MYPN: variants seen among roughly 807,000 people sequenced by gnomAD.
MYPN encodes the protein sarcomeric protein myopalladin, 145 kDa (MYOP).
Under a neutral mutation model 129.4 loss-of-function variants are expected in MYPN, and 63 were observed. The ratio of observed to expected loss-of-function variants is 0.49; its 90% CI spans 0.40 to 0.60. The LOEUF is 0.60. MYPN is among the 20% of genes least tolerant of loss of function. MYPN has a pLI of 0.00. For missense variants in MYPN, 1,596 were observed against 1,635.4 expected, an observed-to-expected ratio of 0.98 and a Z score of 0.42; for synonymous variants, 629 against 600.9, an observed-to-expected ratio of 1.05 and a Z score of -0.68.
chr10:68,178,174 CT>C (rs1484650080), intron 12 of MYPN, among the ~76,000 whole-genome samples: 1 of 152,136 alleles, frequency 6.6e-6, no homozygotes, highest in Non-Finnish European at 1.5e-5. Context: ...TTCTTAGAAC[CT>C]TTTGAAATGA....
chr10:68,142,528 G>A (rs2042593595), intron 2 of MYPN, among the ~76,000 whole-genome samples: 1 of 152,180 alleles, frequency 6.6e-6, no homozygotes, highest in Admixed American at 6.5e-5. Flanking sequence ...TTAATAGAAA[G>A]AAACGAGTGT....
At chr10:68,110,795 G>A (rs1255991432) in intron 1 of MYPN, among the ~76,000 whole-genome samples, 3 of 152,002 alleles carry the variant, frequency 2.0e-5, no homozygotes, top group African/African-American at 4.8e-5. Flanking sequence ...TATACTGTCC[G>A]ACACATGATT....
At position 68,166,682 on chromosome 10, in the gene MYPN, G is replaced by A; in HGVS notation, c.1973+16G>A. 1 of 1,613,674 alleles carries A rather than the reference G, an allele frequency of 6.2e-7. No individual in the cohort carries two copies. The highest frequency in any genetic ancestry group is 8.5e-7 in the Non-Finnish European group (1 of 1,179,956). On this transcript the variant is annotated intron_variant, in intron 10 of 19. Coordinates refer to ENST00000358913, the MANE Select transcript of MYPN (RefSeq NM_032578.4). Reference sequence around the variant, plus strand: ...AACCCAAACTGTAAGTAAAAAGTAGGATGAATAACCAGGAGCTTCTGTGAT... The same window carrying A: ...AACCCAAACTGTAAGTAAAAAGTAGAATGAATAACCAGGAGCTTCTGTGAT...
At chr10:68,208,154 GT>G (rs1024663977) in intron 19 of MYPN, among the ~76,000 whole-genome samples, 1 of 151,998 alleles carries the variant, frequency 6.6e-6, no homozygotes, top group Admixed American at 6.6e-5. Context: ...CAAAAGAGTG[GT>G]TTTTTTAATC....
chr10:68,169,804 A>AACT (rs2043117678), intron 10 of MYPN, among the ~76,000 whole-genome samples: 1 of 150,666 alleles, frequency 6.6e-6, no homozygotes, highest in Admixed American at 6.6e-5. Flanking sequence ...CACTGGCGTG[A>AACT]TCTCAGCTCA....
rs12358413 is a variant in MYPN, at chr10:68,199,703, T to C, written c.3493+128T>C. ...TCCAATCTCAATTTCCCCTTCACTG[T>C]GGTAGGGGTGGTATTTCCCACATCA... On this transcript the variant is annotated intron_variant, in intron 17 of 19. Transcript: ENST00000358913. 44,700 of 887,106 alleles carry C rather than the reference T, an allele frequency of 0.05. 1,272 individuals are homozygous for C. Among genetic ancestry groups the C allele is most frequent in the Middle Eastern group, 0.064 (268 of 4,192 alleles). The allele number at this position is 887,106 out of a possible 1,614,324, so 55.0% of individuals were successfully genotyped here. A position where few individuals can be genotyped will look rare whatever the true frequency, so the allele number is the denominator to read the frequency against.
chr10:68,114,688 G>A (rs1035032055), intron 1 of MYPN, among the ~76,000 whole-genome samples: 1 of 152,056 alleles, frequency 6.6e-6, no homozygotes, highest in Non-Finnish European at 1.5e-5. Flanking sequence ...TCTTAGGGCA[G>A]ATCCTCTTTT....
chr10:68,162,831 G>C (rs189151384), intron 8 of MYPN, among the ~76,000 whole-genome samples: 7 of 152,218 alleles, frequency 4.6e-5, no homozygotes, highest in African/African-American at 1.7e-4. Flanking sequence ...GGTTTTTAAG[G>C]GTTTTGGAGT....
intron 8 of MYPN, among the ~76,000 whole-genome samples, chr10:68,163,382 T>G (rs1211952173): frequency 6.6e-6 from 1 of 152,086 alleles, no homozygotes; most frequent in Non-Finnish European, 1.5e-5. Flanking sequence ...ATCCCAGCAC[T>G]TTGGGAGGCC....
chr10:68,130,681 A>G (rs1303779423), intron 2 of MYPN, among the ~76,000 whole-genome samples: 1 of 151,944 alleles, frequency 6.6e-6, no homozygotes, highest in Non-Finnish European at 1.5e-5. Flanking sequence ...TGTAGTTCGC[A>G]TCTAGTTTAA....
intron 1 of MYPN, among the ~76,000 whole-genome samples, chr10:68,096,392 T>C (rs1291911576): frequency 1.3e-5 from 2 of 152,076 alleles, no homozygotes; most frequent in Non-Finnish European, 2.9e-5. Flanking sequence ...TGAAGCCCCG[T>C]CTCTACTAAA....
chr10:68,199,537 C>T lies in MYPN; in HGVS notation c.3455C>T (p.Thr1152Ile), dbSNP rs752535419. The change falls in exon 17 of 20, where the codon ACC (threonine) becomes ATC (isoleucine). Residue 1152 changes from threonine to isoleucine, a missense_variant. Thr to Ile is a moderately conservative substitution (Grantham distance 89). Coordinates refer to ENST00000358913, the MANE Select transcript of MYPN (RefSeq NM_032578.4). ...TATAAGTGCATCGCTACCAACAAAA[C>T]CGGGCAGAATTCTTTTAGTCTGGAG... ...GTYKCIATNK[T>I]GQNSFSLELS... 3.1e-6 allele frequency: 5 copies of T among 1,613,998 alleles called. No individual in the cohort carries two copies. In the East Asian group the frequency reaches 1.1e-4, roughly 36 times the overall value.
Position 68,184,093 on chromosome 10 carries a change from T to G in MYPN, c.2704-4812T>G, listed in dbSNP as rs150079714. On this transcript the variant is annotated intron_variant, in intron 12 of 19. Coordinates refer to ENST00000358913, the MANE Select transcript of MYPN (RefSeq NM_032578.4). ...GCTGGCTCCTTGGTTACTCCCTTTA[T>G]TTTATTCTATAGACCTCAGGGACTG... is the stretch of plus-strand genomic sequence containing the variant. Among the ~76,000 whole-genome samples, 4 of 152,324 alleles carry G rather than the reference T, an allele frequency of 2.6e-5. 1 individual carries two copies. The highest frequency in any genetic ancestry group is 9.6e-5 in the African/African-American group (4 of 41,566).
At chr10:68,155,281 T>C (rs1185698481) in intron 6 of MYPN, among the ~76,000 whole-genome samples, 1 of 152,194 alleles carries the variant, frequency 6.6e-6, no homozygotes, top group Non-Finnish European at 1.5e-5. Context: ...TCAGAGTATC[T>C]TTAGGAGGAA....
chr10:68,170,535 C>T (rs1290415206), intron 10 of MYPN, among the ~76,000 whole-genome samples: 1 of 152,126 alleles, frequency 6.6e-6, no homozygotes, highest in Non-Finnish European at 1.5e-5. Context: ...AATATATTGA[C>T]TCAGTCTTCT....
intron 1 of MYPN, among the ~76,000 whole-genome samples, chr10:68,097,883 A>G (rs139362559): frequency 6.6e-6 from 1 of 152,304 alleles, no homozygotes; most frequent in East Asian, 1.9e-4. Flanking sequence ...TTTGTTTTCA[A>G]AAGAGGTGAT....
At chr10:68,137,565 T>A (rs530078722) in intron 2 of MYPN, among the ~76,000 whole-genome samples, 4 of 152,332 alleles carry the variant, frequency 2.6e-5, no homozygotes, top group Non-Finnish European at 4.4e-5. Context: ...AAATTAGTAA[T>A]GCAGATCTTC....
intron 13 of MYPN, among the ~76,000 whole-genome samples, chr10:68,194,041 G>T (rs765710644): frequency 6.6e-6 from 1 of 152,086 alleles, no homozygotes; most frequent in Non-Finnish European, 1.5e-5. Context: ...GCTTCTGAAG[G>T]CATGTCCAGT....
At chr10:68,206,411 T>C (rs2043816468) in intron 18 of MYPN, among the ~76,000 whole-genome samples, 1 of 152,204 alleles carries the variant, frequency 6.6e-6, no homozygotes, top group Non-Finnish European at 1.5e-5. Context: ...CTCTATTTTG[T>C]CTTGCTTTCC....
Sources: gnomAD v4.1 joint callset for allele counts (sites outside exome capture counted in the v4.1 genomes callset) on GRCh38, gnomAD v4.1.1 for gene constraint, MANE v1.5 for transcripts, NCBI Gene and HGNC (gene_info 2026-07-23, HGNC 2026-07-21) for gene names.